Variants in ZNF234 observed in about 807,000 individuals in gnomAD.
The protein encoded by ZNF234 is C2-H2 type zinc finger protein.
Under a neutral mutation model 10.3 loss-of-function variants are expected in ZNF234, and 4 were observed. The ratio of observed to expected loss-of-function variants is 0.39; its 90% CI spans 0.19 to 0.89. The LOEUF is 0.89. Among genes scored for constraint, ZNF234 ranks in the 40% least tolerant of loss-of-function variants. The pLI is 0.38. For synonymous variants in ZNF234, 258 were observed against 280.1 expected, an observed-to-expected ratio of 0.92 and a Z score of 0.79; for missense variants, 711 against 836.1, an observed-to-expected ratio of 0.85 and a Z score of 1.85.
chr19:44,144,670 G>T (rs1305588669), intron 3 of ZNF234, 23 bp downstream of exon 3: 5 of 1,533,804 alleles, frequency 3.3e-6, no homozygotes, highest in Non-Finnish European at 4.4e-6. Flanking sequence ...TGCCACTCTT[G>T]CTGTTAAAAT....
intron 5 of ZNF234, among the ~76,000 whole-genome samples, chr19:44,153,165 CATATATATATATAT>C (rs10528022): frequency 2.0e-4 from 20 of 97,872 alleles, no homozygotes; most frequent in Non-Finnish European, 3.2e-4. Flanking sequence ...ATGTATTCAT[CATATATATATATAT>C]ATATATATAT....
intron 5 of ZNF234, 38 bp from the exon 6 acceptor site, chr19:44,156,214 A>G (rs1224013813): frequency 6.6e-7 from 1 of 1,516,506 alleles, no homozygotes; most frequent in Non-Finnish European, 8.8e-7. Flanking sequence ...AAAACTTTTA[A>G]CAGAGCCTCC....
chr19:44,157,678 C>T lies in ZNF234; in HGVS notation c.1662C>T (p.His554=), dbSNP rs759733593. The T allele has an allele frequency of 1.9e-6, 3 of 1,613,334 alleles. No individual in the cohort carries two copies. The highest frequency in any genetic ancestry group is 2.5e-6 in the Non-Finnish European group (3 of 1,179,804). Residue 554 remains histidine (H), a synonymous_variant, in exon 6 of 6, where the codon CAC becomes CAT. Coordinates refer to ENST00000426739, the MANE Select transcript of ZNF234 (RefSeq NM_006630.3). The part of the protein sequence containing the change: ...ECGKSFSRSA[H]LQAHQKVHTG... ...GGAAGAGCTTCAGTCGGAGTGCACACCTTCAAGCCCATCAAAAAGTCCACA... is the reference window on the plus strand; with the variant it reads ...GGAAGAGCTTCAGTCGGAGTGCACATCTTCAAGCCCATCAAAAAGTCCACA...
chr19:44,150,088 T>G, intron 4 of ZNF234: 1 of 164,662 alleles, frequency 6.1e-6, no homozygotes, highest in Non-Finnish European at 1.3e-5. Context: ...GCCTGCAGCT[T>G]AAATTTTTTT....
At chr19:44,150,307 C>A in intron 4 of ZNF234, 106 bp from the exon 5 acceptor site, 1 of 704,966 alleles carries the variant, frequency 1.4e-6, no homozygotes, top group Non-Finnish European at 2.1e-6. Flanking sequence ...TTTGAAAACA[C>A]TACTTTTGAT....
In ZNF234 at chr19:44,155,836, A is replaced by G. The variant is rs908726278; in HGVS notation, c.236-416A>G. ...GACTGGTCTCAAACCCCTGGCCTCA[A>G]ACTATCCTTCTGCCCCAGCCTCCCA... On this transcript the variant is annotated intron_variant, in intron 5 of 5. Transcript: ENST00000426739. Among the ~76,000 whole-genome samples, 3 of 152,140 alleles carry G rather than the reference A, an allele frequency of 2.0e-5. No individual in the cohort carries two copies. In the South Asian group the frequency reaches 6.2e-4, roughly 32 times the overall value.
intron 3 of ZNF234, 70 bp downstream of exon 3, chr19:44,144,717 C>A: frequency 7.0e-7 from 1 of 1,425,824 alleles, no homozygotes; most frequent in South Asian, 1.7e-5. Flanking sequence ...GAGGAAGACT[C>A]AAGAACAACG....
chr19:44,155,197 T>G (rs777900589), intron 5 of ZNF234, among the ~76,000 whole-genome samples: 4 of 152,230 alleles, frequency 2.6e-5, no homozygotes, highest in Admixed American at 6.5e-5. Flanking sequence ...GTCAGCTCAT[T>G]TAATGTCTGT....
rs929833064 is a variant in ZNF234 at position 44,157,309 on chromosome 19, A to G, written c.1293A>G (p.Glu431=). The G allele has an allele frequency of 6.2e-7, 1 of 1,613,482 alleles. No homozygotes were observed. The highest frequency in any genetic ancestry group is 1.3e-5 in the African/African-American group (1 of 74,856). ...CAGGGGAAAAACCCTATAAATGTGA[A>G]GTATGTGGTAAAGCCTTCCGTCAGA... The part of the protein sequence containing the change: ...VHTGEKPYKC[E]VCGKAFRQSS... Residue 431 remains glutamate (E), a synonymous_variant, in exon 6 of 6, where the codon GAA becomes GAG. Coordinates refer to ENST00000426739, the MANE Select transcript of ZNF234 (RefSeq NM_006630.3).
intron 4 of ZNF234, chr19:44,149,995 C>G (rs1452477569): frequency 6.5e-6 from 1 of 152,962 alleles, no homozygotes; most frequent in East Asian, 1.9e-4. Context: ...AAGCTTTTAT[C>G]CAAATGGGCT....
intron 3 of ZNF234, among the ~76,000 whole-genome samples, chr19:44,145,711 A>G (rs998182386): frequency 5.3e-5 from 8 of 152,208 alleles, no homozygotes; most frequent in African/African-American, 1.9e-4. Flanking sequence ...ATACTCTAAC[A>G]TGGCACAGCA....
Position 44,157,886 on chromosome 19 carries a change from T to C in ZNF234, c.1870T>C (p.Tyr624His), listed in dbSNP as rs200558297. 1.4e-5 allele frequency: 22 copies of C among 1,614,014 alleles called. No individual in the cohort carries two copies. The highest frequency in any genetic ancestry group is 1.7e-5 in the Non-Finnish European group (20 of 1,180,028). ...GAGTGTCCACACAGGAGAGAAACCA[T>C]ACAAATGTGATGTATGTGGTAAAGT... ...HQSVHTGEKP[Y>H]KCDVCGKVFS... Residue 624 changes from tyrosine (Y) to histidine (H), a missense_variant, in exon 6 of 6, where the codon TAC becomes CAC. By Grantham distance (83) the Tyr-to-His change is moderately conservative. Transcript: ENST00000426739.
chr19:44,154,896 C>T (rs563734589), intron 5 of ZNF234, among the ~76,000 whole-genome samples: 7 of 152,092 alleles, frequency 4.6e-5, no homozygotes, highest in Non-Finnish European at 1.0e-4. Flanking sequence ...TTCAGCCTCC[C>T]AACATGCTTG....
chr19:44,156,922 A>G lies in ZNF234; in HGVS notation c.906A>G (p.Ala302=). ...GTAAGAACTTCCGTCGTAGATCAGCACTTAATAATCATTGCATGGTCCACA... is the reference window on the plus strand; with the variant it reads ...GTAAGAACTTCCGTCGTAGATCAGCGCTTAATAATCATTGCATGGTCCACA... The part of the protein sequence containing the change: ...TCGKNFRRRS[A]LNNHCMVHTG... Residue 302 remains alanine, a synonymous_variant, in exon 6 of 6, where the codon GCA becomes GCG. Transcript: ENST00000426739. 6.2e-7 allele frequency: 1 copy of G among 1,614,156 alleles called. No homozygotes were observed. The highest frequency in any genetic ancestry group is 8.5e-7 in the Non-Finnish European group (1 of 1,180,000).
intron 5 of ZNF234, among the ~76,000 whole-genome samples, chr19:44,154,628 C>CT (rs779013573): frequency 0.017 from 1,775 of 102,344 alleles, 31 homozygotes; most frequent in Non-Finnish European, 0.024. Context: ...TTCTCTTTTT[C>CT]TTTTTTTTTT....
chr19:44,151,560 A>G (rs1968744830), intron 5 of ZNF234, among the ~76,000 whole-genome samples: 2 of 152,190 alleles, frequency 1.3e-5, no homozygotes, highest in Middle Eastern at 3.2e-3. Flanking sequence ...TTAAATGATA[A>G]AAATGTATTG....
chr19:44,157,135 A>G lies in ZNF234; in HGVS notation c.1119A>G (p.Val373=). The G allele has an allele frequency of 1.2e-6, 2 of 1,614,132 alleles. No individual in the cohort carries two copies. Among genetic ancestry groups the G allele is most frequent in the Non-Finnish European group, 1.7e-6 (2 of 1,180,010 alleles). ...RRIHTGEKPY[V]CKVCGKGFIY... ...TCCACACTGGAGAGAAACCATACGT[A>G]TGTAAAGTGTGTGGTAAGGGTTTCA... Residue 373 remains valine, a synonymous_variant, in exon 6 of 6, where the codon GTA becomes GTG. Coordinates refer to ENST00000426739, the MANE Select transcript of ZNF234 (RefSeq NM_006630.3).
chr19:44,154,919 G>A lies in ZNF234; in HGVS notation c.236-1333G>A, dbSNP rs574729944. Among the ~76,000 whole-genome samples, 3 of 152,188 alleles carry A rather than the reference G, an allele frequency of 2.0e-5. No homozygotes were observed. The South Asian group carries it at 6.2e-4, about 32-fold the overall frequency. On this transcript the variant is annotated intron_variant, in intron 5 of 5. Coordinates refer to ENST00000426739, the MANE Select transcript of ZNF234 (RefSeq NM_006630.3). ...CCCAACATGCTTGGATTACAGATGT[G>A]AGCCACTGCACCCTGCCAAGAGGCA...
rs1033661337 is a variant in ZNF234, at chr19:44,156,740, A to G, written c.724A>G (p.Ser242Gly). 3.7e-6 allele frequency: 6 copies of G among 1,613,964 alleles called. No individual in the cohort carries two copies. The African/African-American group carries it at 6.7e-5, about 18-fold the overall frequency. ...ATGTGTGGAATGTGGGAAAGGCTTC[A>G]GTCGTAGATCAACACTTACTGTACA... Reference protein sequence around the residue: ...FKCVECGKGFSRRSTLTVHCK... With the variant: ...FKCVECGKGFGRRSTLTVHCK... Residue 242 changes from serine (S) to glycine (G), a missense_variant, in exon 6 of 6, where the codon AGT (serine) becomes GGT (glycine). Coordinates refer to ENST00000426739, the MANE Select transcript of ZNF234 (RefSeq NM_006630.3).
Sources: gnomAD v4.1 joint callset for allele counts (sites outside exome capture counted in the v4.1 genomes callset) on GRCh38, gnomAD v4.1.1 for gene constraint, MANE v1.5 for transcripts, NCBI Gene and HGNC (gene_info 2026-07-23, HGNC 2026-07-21) for gene names.